SPATA16: variants seen among roughly 807,000 people sequenced by gnomAD.
The protein encoded by SPATA16 is spermatogenesis-associated protein 16.
Under a neutral mutation model 63.3 loss-of-function variants are expected in SPATA16, and 36 were observed. The ratio of observed to expected loss-of-function variants is 0.57; its 90% CI spans 0.44 to 0.75. The LOEUF is 0.75. Ranked by LOEUF, SPATA16 falls within the 30% of genes least tolerant of loss-of-function variation. The probability of loss-of-function intolerance (pLI) is 0.00; values close to 1 mark genes in which losing one functional copy is unlikely to be tolerated. For synonymous variants in SPATA16, 203 were observed against 216.7 expected, an observed-to-expected ratio of 0.94 and a Z score of 0.56; for missense variants, 646 against 679.3, an observed-to-expected ratio of 0.95 and a Z score of 0.54.
At chr3:173,048,798 T>TG (rs1736012892) in intron 3 of SPATA16, 151 bp downstream of exon 3, 17 of 978,592 alleles carry the variant, frequency 1.7e-5, no homozygotes, top group Non-Finnish European at 2.6e-5. Flanking sequence ...GTGGTCTCCA[T>TG]GATTGCCTCA....
chr3:173,056,790 C>G (rs991162037), intron 2 of SPATA16, among the ~76,000 whole-genome samples: 1 of 148,320 alleles, frequency 6.7e-6, no homozygotes, highest in East Asian at 2.0e-4. Context: ...ATACATAGAT[C>G]GCCATTTACA....
At chr3:173,000,981 C>CT (rs1734808936) in intron 4 of SPATA16, among the ~76,000 whole-genome samples, 1 of 152,286 alleles carries the variant, frequency 6.6e-6, no homozygotes, top group Admixed American at 6.5e-5. Flanking sequence ...ATCACAGTTT[C>CT]TTTTAGAATT....
intron 2 of SPATA16, among the ~76,000 whole-genome samples, chr3:173,114,723 T>C (rs930776348): frequency 1.3e-5 from 2 of 152,238 alleles, no homozygotes; most frequent in Admixed American, 6.5e-5. Flanking sequence ...GTGCCTTGGC[T>C]TCTGCCGTCC....
intron 5 of SPATA16, among the ~76,000 whole-genome samples, chr3:172,961,064 TTC>T (rs1733763018): frequency 3.2e-5 from 1 of 31,126 alleles, no homozygotes; most frequent in Non-Finnish European, 5.7e-5. Context: ...TCTTTCTTTC[TTC>T]TTTCTTCCTT....
intron 5 of SPATA16, among the ~76,000 whole-genome samples, chr3:172,968,662 C>T (rs1733973792): frequency 6.6e-5 from 10 of 152,164 alleles, no homozygotes; most frequent in Admixed American, 6.5e-4. Context: ...AGAACATCAA[C>T]AGAAGAACTA....
At chr3:173,044,323 A>G (rs1422439104) in intron 3 of SPATA16, among the ~76,000 whole-genome samples, 1 of 152,154 alleles carries the variant, frequency 6.6e-6, no homozygotes, top group African/African-American at 2.4e-5. Context: ...GATAATTTCT[A>G]TCGATTTGTC....
chr3:173,054,892 A>G (rs1736184444), intron 2 of SPATA16, among the ~76,000 whole-genome samples: 1 of 152,244 alleles, frequency 6.6e-6, no homozygotes, highest in Non-Finnish European at 1.5e-5. Flanking sequence ...CAACACAATG[A>G]GAAAACTGAA....
chr3:172,958,657 TC>T (rs1733662867), intron 5 of SPATA16, among the ~76,000 whole-genome samples: 1 of 152,144 alleles, frequency 6.6e-6, no homozygotes, highest in South Asian at 2.1e-4. Context: ...TTCTCACAGT[TC>T]TGGAGACTGG....
intron 1 of SPATA16, among the ~76,000 whole-genome samples, chr3:173,125,896 C>G (rs1210511159): frequency 1.3e-5 from 2 of 152,170 alleles, no homozygotes; most frequent in Admixed American, 1.3e-4. Context: ...TCTTATTACA[C>G]AATTAATGAA....
At chr3:173,137,706 G>T (rs1364555935) in intron 1 of SPATA16, among the ~76,000 whole-genome samples, 1 of 151,942 alleles carries the variant, frequency 6.6e-6, no homozygotes, top group East Asian at 1.9e-4. Context: ...TGAGAGATCG[G>T]AACTTTTGAA....
intron 1 of SPATA16, among the ~76,000 whole-genome samples, chr3:173,127,049 A>C (rs1738245613): frequency 6.6e-6 from 1 of 152,220 alleles, no homozygotes; most frequent in South Asian, 2.1e-4. Flanking sequence ...TAAAAAATTC[A>C]CAAGTTTTTA....
chr3:173,057,009 T>G (rs1268390327), intron 2 of SPATA16, among the ~76,000 whole-genome samples: 1 of 152,082 alleles, frequency 6.6e-6, no homozygotes, highest in Non-Finnish European at 1.5e-5. Flanking sequence ...AACTTCTGTG[T>G]TTGCATACTC....
intron 1 of SPATA16, among the ~76,000 whole-genome samples, chr3:173,123,097 G>A (rs150368022): frequency 2.0e-5 from 3 of 152,246 alleles, no homozygotes; most frequent in East Asian, 1.9e-4. Context: ...GAAATGGTAC[G>A]TTATTATTAG....
chr3:172,906,111 A>C (rs1732229141), intron 10 of SPATA16, among the ~76,000 whole-genome samples: 1 of 152,204 alleles, frequency 6.6e-6, no homozygotes, highest in Non-Finnish European at 1.5e-5. Context: ...TATGACAAGA[A>C]GAAATAGAAG....
At chr3:173,115,898 CTT>C (rs1213897661) in intron 2 of SPATA16, among the ~76,000 whole-genome samples, 1 of 143,082 alleles carries the variant, frequency 7.0e-6, no homozygotes, top group Admixed American at 6.9e-5. Flanking sequence ...TTTTTTTTTT[CTT>C]TTTTTTTTTT....
chr3:172,951,634 C>T (rs1266013146), intron 6 of SPATA16, among the ~76,000 whole-genome samples: 1 of 152,168 alleles, frequency 6.6e-6, no homozygotes, highest in Admixed American at 6.5e-5. Context: ...GAAAATACTG[C>T]CTGGAGGACC....
At chr3:173,097,113 A>G (rs1577172784) in intron 2 of SPATA16, among the ~76,000 whole-genome samples, 1 of 152,092 alleles carries the variant, frequency 6.6e-6, no homozygotes, top group Admixed American at 6.6e-5. Context: ...GAAATCTCAT[A>G]CCGTTTTGCC....
At chr3:172,956,643 T>C (rs1429882208) in intron 6 of SPATA16, 34 bp downstream of exon 6, 3 of 1,603,502 alleles carry the variant, frequency 1.9e-6, no homozygotes, top group Non-Finnish European at 2.6e-6. Context: ...TGAAACAAAA[T>C]ATCAGCTGAT....
intron 2 of SPATA16, among the ~76,000 whole-genome samples, chr3:173,088,071 TTTCTTTCTGTCTTTTC>T (rs1560118961): frequency 6.6e-5 from 9 of 136,446 alleles, no homozygotes; most frequent in African/African-American, 2.5e-4. Context: ...TCTTTCTTTC[TTTCTTTCTGTCTTTTC>T]TTTTTTTTTT....
Sources: allele counts gnomAD v4.1 joint callset (sites outside exome capture counted in the v4.1 genomes callset), GRCh38; gene constraint gnomAD v4.1.1; transcripts MANE v1.5; gene names NCBI Gene and HGNC (gene_info 2026-07-23, HGNC 2026-07-21).